The following CPNE8 variants were observed in gnomAD, a reference collection of about 807,000 sequenced individuals.
CPNE8 encodes the protein copine-8.
Under a neutral mutation model 81.5 loss-of-function variants are expected in CPNE8, and 45 were observed. The observed-to-expected ratio is 0.55, with a 90% CI of 0.44 to 0.71. The LOEUF is 0.71. Among genes scored for constraint, CPNE8 ranks in the 30% least tolerant of loss-of-function variants. The pLI, the probability that CPNE8 is intolerant of heterozygous loss-of-function variation, is 0.00. For missense variants in CPNE8, 594 were observed against 672.1 expected (o/e 0.88, Z 1.28); for synonymous variants, 252 against 226.3 (o/e 1.11, Z -1.02).
chr12:38,723,641 G>A (rs80295998), intron 13 of CPNE8, 131 bp downstream of exon 13: 15,613 of 681,428 alleles, frequency 0.023, 743 homozygotes, highest in East Asian at 0.12. Context: ...ATCTGAAACA[G>A]AAGTCTAATA....
intron 13 of CPNE8, among the ~76,000 whole-genome samples, chr12:38,716,184 T>C (rs1056099115): frequency 5.3e-5 from 8 of 152,134 alleles, no homozygotes; most frequent in Admixed American, 5.2e-4. Context: ...CCCATGCTCA[T>C]GGATGGAAAG....
intron 6 of CPNE8, among the ~76,000 whole-genome samples, chr12:38,827,147 A>G (rs1943211888): frequency 6.9e-6 from 1 of 144,252 alleles, no homozygotes; most frequent in Non-Finnish European, 1.5e-5. Flanking sequence ...CGCCTGGACA[A>G]CAAAGGGAGA....
intron 6 of CPNE8, among the ~76,000 whole-genome samples, chr12:38,806,731 T>G (rs71461501): frequency 7.0e-6 from 1 of 143,126 alleles, no homozygotes; most frequent in Non-Finnish European, 1.6e-5. Flanking sequence ...CTATTCAACA[T>G]AGTGTTGGAA....
intron 3 of CPNE8, among the ~76,000 whole-genome samples, chr12:38,859,927 C>T (rs1362767252): frequency 2.0e-5 from 3 of 152,074 alleles, no homozygotes; most frequent in South Asian, 4.1e-4. Context: ...GAAGTAAAGA[C>T]ATACATGTAA....
chr12:38,685,757 C>A, intron 15 of CPNE8, 140 bp from the exon 16 acceptor site: 1 of 702,472 alleles, frequency 1.4e-6, no homozygotes. Flanking sequence ...TTTACAATAG[C>A]AAAAAAATAA....
intron 10 of CPNE8, among the ~76,000 whole-genome samples, chr12:38,756,189 A>C (rs1941455487): frequency 6.6e-6 from 1 of 152,148 alleles, no homozygotes; most frequent in Admixed American, 6.5e-5. Flanking sequence ...TTATAGAATT[A>C]ATTTCAGTTG....
chr12:38,857,918 T>G (rs1479912004), intron 3 of CPNE8, among the ~76,000 whole-genome samples: 1 of 152,180 alleles, frequency 6.6e-6, no homozygotes, highest in African/African-American at 2.4e-5. Context: ...ATAAGAGGCT[T>G]AATTCTCCCT....
chr12:38,827,166 CAAAAAAA>C (rs10574071), intron 6 of CPNE8, among the ~76,000 whole-genome samples: 2 of 93,144 alleles, frequency 2.1e-5, no homozygotes, highest in Admixed American at 1.1e-4. Flanking sequence ...GACTCCGTCT[CAAAAAAA>C]AAAAAAAAAA....
chr12:38,668,410 T>C (rs1355126604), intron 19 of CPNE8, among the ~76,000 whole-genome samples: 1 of 152,194 alleles, frequency 6.6e-6, no homozygotes, highest in Non-Finnish European at 1.5e-5. Context: ...TTTTTATTAA[T>C]GCAAATATGT....
Position 38,760,087 on chromosome 12 carries a change from G to A in CPNE8, c.722+760C>T, listed in dbSNP as rs142228246. Among the ~76,000 whole-genome samples, 309 of 152,140 alleles carry A rather than the reference G, an allele frequency of 2.0e-3. 1 individual carries two copies. The highest frequency in any genetic ancestry group is 3.3e-3 in the African/African-American group (136 of 41,508). ...TGGATTTGAGTTTAGGACACACATC[G>A]ACTGAAAAATTAAAAGTAACCTTTG... On this transcript the variant is annotated intron_variant, in intron 10 of 19. Transcript: ENST00000331366.
intron 6 of CPNE8, among the ~76,000 whole-genome samples, chr12:38,780,800 A>G (rs1435661703): frequency 6.6e-6 from 1 of 152,136 alleles, no homozygotes; most frequent in Non-Finnish European, 1.5e-5. Context: ...TTTGAAACAA[A>G]TAAGAAATAA....
chr12:38,658,541 T>C (rs548380015), intron 19 of CPNE8, among the ~76,000 whole-genome samples: 82 of 152,096 alleles, frequency 5.4e-4, no homozygotes, highest in Non-Finnish European at 1.0e-3. Context: ...ATTCAGGAAA[T>C]ACAGAGAACA....
intron 13 of CPNE8, among the ~76,000 whole-genome samples, chr12:38,711,427 A>T (rs1450214983): frequency 6.6e-6 from 1 of 152,132 alleles, no homozygotes; most frequent in African/African-American, 2.4e-5. Flanking sequence ...CACAATCATA[A>T]AGTATGTAAC....
At chr12:38,722,505 T>C (rs1162437814) in intron 13 of CPNE8, among the ~76,000 whole-genome samples, 1 of 152,134 alleles carries the variant, frequency 6.6e-6, no homozygotes, top group Non-Finnish European at 1.5e-5. Flanking sequence ...CTCAACCCCT[T>C]CTTCAACCTG....
intron 1 of CPNE8, among the ~76,000 whole-genome samples, chr12:38,880,205 T>A (rs1944132357): frequency 6.6e-6 from 1 of 152,214 alleles, no homozygotes; most frequent in African/African-American, 2.4e-5. Context: ...ATAAACAGAA[T>A]GATTCTGGTT....
intron 6 of CPNE8, among the ~76,000 whole-genome samples, chr12:38,805,980 C>T (rs1358081525): frequency 1.3e-4 from 20 of 150,188 alleles, no homozygotes; most frequent in African/African-American, 2.4e-4. Flanking sequence ...AACACCTCTA[C>T]GCAAATAAAC....
intron 1 of CPNE8, among the ~76,000 whole-genome samples, chr12:38,901,742 C>T (rs1467443193): frequency 1.3e-5 from 2 of 152,230 alleles, no homozygotes; most frequent in South Asian, 2.1e-4. Context: ...AATTTAACCA[C>T]TGTCCCTTCT....
chr12:38,681,147 T>C (rs1450461748), intron 16 of CPNE8, among the ~76,000 whole-genome samples: 2 of 152,036 alleles, frequency 1.3e-5, no homozygotes, highest in Non-Finnish European at 2.9e-5. Flanking sequence ...GCTGGTATAA[T>C]ATACCAACAA....
At chr12:38,746,775 G>A (rs1941234910) in intron 10 of CPNE8, among the ~76,000 whole-genome samples, 1 of 152,154 alleles carries the variant, frequency 6.6e-6, no homozygotes, top group African/African-American at 2.4e-5. Context: ...AGAGAATAAA[G>A]TGCAATTAAA....
Sources: allele counts gnomAD v4.1 joint callset (sites outside exome capture counted in the v4.1 genomes callset), GRCh38; gene constraint gnomAD v4.1.1; transcripts MANE v1.5; gene names NCBI Gene and HGNC (gene_info 2026-07-23, HGNC 2026-07-21).